Variants in GRM7 observed in about 807,000 individuals in gnomAD.
GRM7 encodes the protein glutamate metabotropic receptor 7.
In GRM7, 35 loss-of-function variants were observed where a neutral mutation model predicts 84.5. That is an observed-to-expected ratio of 0.41 (90% CI 0.32 to 0.55). The LOEUF is 0.55. GRM7 is among the 20% of genes least tolerant of loss of function. GRM7 has a pLI of 0.19. For synonymous variants in GRM7, 487 were observed against 455.1 expected (o/e 1.07, Z -0.89); for missense variants, 1,003 against 1,194.6 (o/e 0.84, Z 2.36).
At chr3:6,950,530 C>T (rs1478900215) in intron 1 of GRM7, among the ~76,000 whole-genome samples, 1 of 152,336 alleles carries the variant, frequency 6.6e-6, no homozygotes, top group South Asian at 2.1e-4. Flanking sequence ...GCCAGTCTGC[C>T]CGTTCTCAGA....
intron 1 of GRM7, among the ~76,000 whole-genome samples, chr3:7,038,627 T>G (rs1696473441): frequency 6.6e-6 from 1 of 152,208 alleles, no homozygotes; most frequent in South Asian, 2.1e-4. Context: ...GCAATTACTT[T>G]CATCATGATG....
At chr3:7,022,130 C>T (rs965840954) in intron 1 of GRM7, among the ~76,000 whole-genome samples, 9 of 151,816 alleles carry the variant, frequency 5.9e-5, no homozygotes, top group East Asian at 3.9e-4. Flanking sequence ...AGTTTGAGAC[C>T]GGCCTGTACA....
At chr3:7,670,695 T>C (rs1431017530) in intron 8 of GRM7, among the ~76,000 whole-genome samples, 3 of 15,944 alleles carry the variant, frequency 1.9e-4, no homozygotes, top group Admixed American at 1.9e-3. Flanking sequence ...ATATTTCACA[T>C]CTTTAGAAAC....
At chr3:7,659,274 A>G (rs1044396885) in intron 8 of GRM7, among the ~76,000 whole-genome samples, 2 of 152,194 alleles carry the variant, frequency 1.3e-5, no homozygotes, top group Admixed American at 6.5e-5. Flanking sequence ...GACACAATGC[A>G]TCATGCAGTA....
chr3:7,556,420 A>T (rs2125031262), intron 7 of GRM7, among the ~76,000 whole-genome samples: 1 of 152,298 alleles, frequency 6.6e-6, no homozygotes, highest in East Asian at 1.9e-4. Context: ...TCTTTAGTGC[A>T]AAGACTCATT....
At chr3:7,621,408 T>A (rs942624387) in intron 8 of GRM7, among the ~76,000 whole-genome samples, 1 of 152,092 alleles carries the variant, frequency 6.6e-6, no homozygotes, top group Non-Finnish European at 1.5e-5. Flanking sequence ...ATGTCTCAAG[T>A]CATTTAGTTA....
chr3:6,927,613 T>A (rs1697360156), intron 1 of GRM7, among the ~76,000 whole-genome samples: 1 of 152,092 alleles, frequency 6.6e-6, no homozygotes, highest in Non-Finnish European at 1.5e-5. Context: ...AGAATAAATA[T>A]CATCATTGCT....
chr3:7,013,277 C>G (rs1352714978), intron 1 of GRM7, among the ~76,000 whole-genome samples: 1 of 152,074 alleles, frequency 6.6e-6, no homozygotes, highest in East Asian at 1.9e-4. Flanking sequence ...TTATAAGGAC[C>G]TTAGCCATGA....
chr3:7,522,080 C>T (rs575400418), intron 7 of GRM7, among the ~76,000 whole-genome samples: 2 of 152,208 alleles, frequency 1.3e-5, no homozygotes, highest in Middle Eastern at 3.4e-3. Context: ...TTTGGAGGTT[C>T]ATAGGCCTAT....
At chr3:6,990,513 C>G (rs549343321) in intron 1 of GRM7, among the ~76,000 whole-genome samples, 69 of 152,228 alleles carry the variant, frequency 4.5e-4, no homozygotes, top group Admixed American at 2.1e-3. Context: ...TTAGTTATTA[C>G]TATCGACATG....
chr3:7,375,439 C>G (rs1167016259), intron 4 of GRM7, among the ~76,000 whole-genome samples: 1 of 151,826 alleles, frequency 6.6e-6, no homozygotes, highest in Non-Finnish European at 1.5e-5. Context: ...AGGCTGGTCT[C>G]GAACTCCTGA....
intron 2 of GRM7, among the ~76,000 whole-genome samples, chr3:7,190,059 G>T (rs911835983): frequency 5.3e-5 from 8 of 152,046 alleles, no homozygotes; most frequent in Non-Finnish European, 1.2e-4. Context: ...TTTCTGCAAG[G>T]TAGTTGAACA....
chr3:7,321,611 TG>T (rs1280332729), intron 4 of GRM7, among the ~76,000 whole-genome samples: 3 of 151,944 alleles, frequency 2.0e-5, no homozygotes, highest in Non-Finnish European at 4.4e-5. Flanking sequence ...GTTTTATGTT[TG>T]TTTTTTTTTT....
In GRM7 at chr3:7,243,605, A is replaced by C. The variant is rs78179270; in HGVS notation, c.737-55079A>C. 8.6e-3 allele frequency among the ~76,000 whole-genome samples: 1,311 copies of C among 152,268 alleles called. 14 individuals are homozygous for C. The highest frequency in any genetic ancestry group is 0.03 in the African/African-American group (1,256 of 41,580). ...TAAACCAATCACTATTCTCAGGAGAATGTAGTTCATTCATTGCCTTAGATT... is the reference window on the plus strand; with the variant it reads ...TAAACCAATCACTATTCTCAGGAGACTGTAGTTCATTCATTGCCTTAGATT... On this transcript the variant is annotated intron_variant, in intron 2 of 9. Coordinates refer to ENST00000357716, the MANE Select transcript of GRM7 (RefSeq NM_000844.4).
intron 7 of GRM7, among the ~76,000 whole-genome samples, chr3:7,503,079 C>G (rs954415557): frequency 1.4e-4 from 21 of 152,106 alleles, no homozygotes; most frequent in African/African-American, 4.8e-4. Flanking sequence ...TGTCTACTTA[C>G]AATCACAAGG....
intron 7 of GRM7, among the ~76,000 whole-genome samples, chr3:7,501,747 AT>A (rs1486870223): frequency 6.6e-6 from 1 of 152,226 alleles, no homozygotes; most frequent in Non-Finnish European, 1.5e-5. Flanking sequence ...TATTTGAGCT[AT>A]TTGAACAGCT....
chr3:7,410,295 G>C (rs1256825893), intron 4 of GRM7, among the ~76,000 whole-genome samples: 3 of 152,154 alleles, frequency 2.0e-5, no homozygotes, highest in African/African-American at 7.2e-5. Context: ...TTGGGGCTGG[G>C]CATGGTGGCT....
At chr3:7,463,218 C>T (rs1156718636) in intron 7 of GRM7, among the ~76,000 whole-genome samples, 2 of 152,142 alleles carry the variant, frequency 1.3e-5, no homozygotes, top group African/African-American at 4.8e-5. Context: ...CAGCATAAAC[C>T]CTGCACTCTT....
At chr3:7,089,796 C>T (rs1390082463) in intron 1 of GRM7, among the ~76,000 whole-genome samples, 1 of 152,072 alleles carries the variant, frequency 6.6e-6, no homozygotes, top group Non-Finnish European at 1.5e-5. Context: ...TGTGAGATAG[C>T]CCTGACTAGA....
Sources: allele counts gnomAD v4.1 joint callset (sites outside exome capture counted in the v4.1 genomes callset), GRCh38; gene constraint gnomAD v4.1.1; transcripts MANE v1.5; gene names NCBI Gene and HGNC (gene_info 2026-07-23, HGNC 2026-07-21).